Variants in AIFM1 observed in about 807,000 individuals in gnomAD.
The protein encoded by AIFM1 is apoptosis-inducing factor 1, mitochondrial.
In AIFM1, 3 loss-of-function variants were observed where a neutral mutation model predicts 51.7. The ratio of observed to expected loss-of-function variants is 0.06; its 90% CI spans 0.03 to 0.15. The LOEUF is 0.15. Ranked by LOEUF, AIFM1 falls within the 10% of genes least tolerant of loss-of-function variation. The pLI is 1.00. For missense variants in AIFM1, 330 were observed against 476.8 expected (o/e 0.69, Z 2.87); for synonymous variants, 178 against 179.4 (o/e 0.99, Z 0.06).
chrX:130,156,346 T>A, intron 2 of AIFM1, 115 bp downstream of exon 2: 1 of 1,044,699 alleles, frequency 9.6e-7, no homozygotes, highest in Non-Finnish European at 1.3e-6. Context: ...TTTTTGAAAA[T>A]TTTTCCAAAA....
intron 6 of AIFM1, among the ~76,000 whole-genome samples, chrX:130,143,987 T>C (rs1212790784): frequency 1.8e-5 from 2 of 111,974 alleles, no homozygotes. Context: ...CTATGTGAGT[T>C]TAGGCAAATT....
At chrX:130,138,062 CAAAAAA>C (rs752207106) in intron 9 of AIFM1, 2 of 39,992 alleles carry the variant, frequency 5.0e-5, no homozygotes. Flanking sequence ...AACTCCATCT[CAAAAAA>C]AAAAAAAAAA....
intron 8 of AIFM1, among the ~76,000 whole-genome samples, chrX:130,139,569 CAAGCAATA>C (rs1223980054): frequency 9.0e-6 from 1 of 111,013 alleles, no homozygotes; most frequent in Non-Finnish European, 1.9e-5. Flanking sequence ...GGATCTATTG[CAAGCAATA>C]CAAACACTCC....
chrX:130,133,266 G>A lies in AIFM1; in HGVS notation c.1448+47C>T, dbSNP rs761683597. Reference sequence around the variant, plus strand: ...CATAACTCTGTGTTATGGTCCTAGAGATACTGAGTTGTAATCAGTTGGGTC... The same window carrying A: ...CATAACTCTGTGTTATGGTCCTAGAAATACTGAGTTGTAATCAGTTGGGTC... On this transcript the variant is annotated intron_variant, in intron 13 of 15. Coordinates refer to ENST00000287295, the MANE Select transcript of AIFM1 (RefSeq NM_004208.4). 6.7e-6 allele frequency: 8 copies of A among 1,196,793 alleles called. No homozygotes were observed. In the African/African-American group the frequency reaches 7.1e-5, roughly 11 times the overall value.
At chrX:130,150,326 CTTTTTTTTTTTTTT>C (rs755785211) in intron 2 of AIFM1, among the ~76,000 whole-genome samples, 1 of 61,650 alleles carries the variant, frequency 1.6e-5, no homozygotes, top group Admixed American at 1.8e-4. Flanking sequence ...TTATTGGAGA[CTTTTTTTTTTTTTT>C]TTTTTTTTTT....
In AIFM1 at chrX:130,130,021, G is replaced by A. The variant is rs771940618; in HGVS notation, c.1719C>T (p.Val573=). The A allele has an allele frequency of 5.8e-6, 7 of 1,209,533 alleles. No homozygotes were observed. Among genetic ancestry groups the A allele is most frequent in the African/African-American group, 1.8e-5 (1 of 56,995 alleles). The change falls in exon 15 of 16, where the codon GTC becomes GTT. Residue 573 remains valine, a synonymous_variant. Coordinates refer to ENST00000287295, the MANE Select transcript of AIFM1 (RefSeq NM_004208.4). The stretch of plus-strand genomic sequence containing the variant: ...AGATGTTCCATAGCACAATCCCCAC[G>A]ACCACTTTGTCCCTGAGGTAGAAGA... ...GVIFYLRDKV[V]VGIVLWNIFN...
chrX:130,147,053 T>C lies in AIFM1; in HGVS notation c.605+440A>G, dbSNP rs191037954. On this transcript the variant is annotated intron_variant, in intron 5 of 15. Coordinates refer to ENST00000287295, the MANE Select transcript of AIFM1 (RefSeq NM_004208.4). ...GGTACGTGCTTGTAATCCCAGCTACTTGAGAAGCTGAGGCAGGGGAATTGC... is the reference window on the plus strand; with the variant it reads ...GGTACGTGCTTGTAATCCCAGCTACCTGAGAAGCTGAGGCAGGGGAATTGC... Among the ~76,000 whole-genome samples the C allele has an allele frequency of 1.3e-4, 14 of 111,490 alleles. No individual in the cohort carries two copies. In the East Asian group the frequency reaches 3.6e-3, roughly 29 times the overall value.
chrX:130,158,805 T>A (rs140713833), intron 1 of AIFM1, among the ~76,000 whole-genome samples: 4 of 109,949 alleles, frequency 3.6e-5, no homozygotes, highest in African/African-American at 1.3e-4. Flanking sequence ...ACAAGCTTAG[T>A]CTAGAGGCTG....
chrX:130,133,351 A>C lies in AIFM1; in HGVS notation c.1410T>G (p.Thr470=). 1 of 1,211,592 alleles carries C rather than the reference A, an allele frequency of 8.3e-7. No individual in the cohort carries two copies. The highest frequency in any genetic ancestry group is 1.1e-6 in the Non-Finnish European group (1 of 895,461). Residue 470 remains threonine, a synonymous_variant, in exon 13 of 16, where the codon ACT becomes ACG. Coordinates refer to ENST00000287295, the MANE Select transcript of AIFM1 (RefSeq NM_004208.4). The part of the protein sequence containing the change: ...VSGRLAGENM[T]GAAKPYWHQS... ...GATGCCAGTACGGCTTAGCAGCTCC[A>C]GTCATATTTTCTCCAGCCAATCTTC...
intron 5 of AIFM1, 79 bp downstream of exon 5, chrX:130,147,414 C>T (rs1159655876): frequency 4.3e-5 from 50 of 1,167,623 alleles, no homozygotes; most frequent in Non-Finnish European, 5.5e-5. Flanking sequence ...TATTACTGTA[C>T]ACAGTCAGTG....
chrX:130,136,886 T>G (rs2030364530), intron 10 of AIFM1, among the ~76,000 whole-genome samples, 155 bp from the exon 11 acceptor site: 1 of 111,240 alleles, frequency 9.0e-6, no homozygotes, highest in South Asian at 3.8e-4. Flanking sequence ...ATGGTTCATT[T>G]TCAGCACTTC....
At chrX:130,150,092 A>G (rs2030907478) in intron 2 of AIFM1, among the ~76,000 whole-genome samples, 2 of 111,097 alleles carry the variant, frequency 1.8e-5, no homozygotes, top group South Asian at 7.5e-4. Context: ...AGAGTTACCC[A>G]TCATTCCCTC....
At chrX:130,147,672 G>A (rs1014415497) in intron 4 of AIFM1, 49 bp from the exon 5 acceptor site, 1 of 1,211,327 alleles carries the variant, frequency 8.3e-7, no homozygotes, top group Non-Finnish European at 1.1e-6. Flanking sequence ...TCATTTAAGG[G>A]GCAAATGTCA....
intron 2 of AIFM1, among the ~76,000 whole-genome samples, chrX:130,153,925 G>A (rs1286138098): frequency 8.9e-6 from 1 of 111,973 alleles, no homozygotes. Flanking sequence ...TAATACAAAC[G>A]TTCAACAACT....
chrX:130,165,760 G>A lies in AIFM1; in HGVS notation c.-104C>T. The A allele has an allele frequency of 1.5e-6, 1 of 658,544 alleles. No individual in the cohort carries two copies. The highest frequency in any genetic ancestry group is 2.4e-6 in the Non-Finnish European group (1 of 408,730). The allele number at this position is 658,544 out of a possible 1,213,427, so 54.3% of individuals were successfully genotyped here. On this transcript the variant is annotated 5_prime_UTR_variant, in exon 1 of 16. Transcript: ENST00000287295. ...GCCAGCTCCCCCAGTCTCTTCACAC[G>A]CACATTACGCAGACTCCTCCTCCCA...
chrX:130,141,755 C>T (rs1371824091), intron 6 of AIFM1, among the ~76,000 whole-genome samples: 1 of 111,970 alleles, frequency 8.9e-6, no homozygotes, highest in Non-Finnish European at 1.9e-5. Flanking sequence ...GAACCTGGCT[C>T]ATACTTTTCC....
At chrX:130,134,724 G>C (rs1304690076) in intron 12 of AIFM1, among the ~76,000 whole-genome samples, 1 of 111,126 alleles carries the variant, frequency 9.0e-6, no homozygotes, top group East Asian at 2.8e-4. Flanking sequence ...TGAAGGATGT[G>C]GCATTTGAGC....
intron 2 of AIFM1, among the ~76,000 whole-genome samples, chrX:130,153,348 G>A (rs188222453): frequency 0.032 from 1,668 of 51,796 alleles, 17 homozygotes; most frequent in Admixed American, 0.049. Context: ...GAGAGACTCC[G>A]TTTCAAAAAA....
intron 6 of AIFM1, among the ~76,000 whole-genome samples, chrX:130,143,111 T>C (rs1227415973): frequency 2.7e-5 from 3 of 111,625 alleles, no homozygotes; most frequent in African/African-American, 9.8e-5. Flanking sequence ...TTCCTAAAAA[T>C]TGGGGTTCCC....
Sources: allele counts gnomAD v4.1 joint callset (sites outside exome capture counted in the v4.1 genomes callset), GRCh38; gene constraint gnomAD v4.1.1; transcripts MANE v1.5; gene names NCBI Gene and HGNC (gene_info 2026-07-23, HGNC 2026-07-21).